PCLO: variants seen among roughly 807,000 people sequenced by gnomAD.
The protein encoded by PCLO is piccolo presynaptic cytomatrix protein, also known as protein piccolo.
A neutral mutation model predicts 427.5 loss-of-function variants in PCLO; 82 were observed. That is an observed-to-expected ratio of 0.19 (90% CI 0.16 to 0.23). The LOEUF is 0.23. PCLO is among the 10% of genes least tolerant of loss of function. PCLO has a pLI of 1.00. For synonymous variants in PCLO, 2,357 were observed against 2,155.4 expected (o/e 1.09, Z -2.59); for missense variants, 6,239 against 6,115.9 (o/e 1.02, Z -0.67).
At chr7:83,126,611 A>C (rs1030336928) in intron 3 of PCLO, among the ~76,000 whole-genome samples, 2 of 152,088 alleles carry the variant, frequency 1.3e-5, no homozygotes, top group African/African-American at 4.8e-5. Flanking sequence ...GAATCTCATA[A>C]AGAAATTTAA....
chr7:82,893,038 G>A lies in PCLO; in HGVS notation c.13528+9613C>T, dbSNP rs376344645. On this transcript the variant is annotated intron_variant, in intron 9 of 24. Transcript: ENST00000333891. ...GGTGATTCCTCAGGGATCTAGAACTGGAAATACCATTTGACCCAGCCATCC... is the reference window on the plus strand; with the variant it reads ...GGTGATTCCTCAGGGATCTAGAACTAGAAATACCATTTGACCCAGCCATCC... Among the ~76,000 whole-genome samples, 226 of 152,116 alleles carry A rather than the reference G, an allele frequency of 1.5e-3. 2 individuals are homozygous for A. The Middle Eastern group carries it at 0.045, about 30-fold the overall frequency.
intron 22 of PCLO, 45 bp from the exon 23 acceptor site, chr7:82,761,538 T>A (rs776011400): frequency 7.0e-7 from 1 of 1,433,820 alleles, no homozygotes; most frequent in African/African-American, 1.4e-5. Flanking sequence ...TAATGCCATA[T>A]ATGAAATGTT....
chr7:83,038,053 T>TTATA (rs760756481), intron 3 of PCLO, among the ~76,000 whole-genome samples: 6 of 44,798 alleles, frequency 1.3e-4, no homozygotes, highest in African/African-American at 2.3e-4. Flanking sequence ...ATATATATCT[T>TTATA]TATATATATA....
intron 3 of PCLO, among the ~76,000 whole-genome samples, chr7:83,088,252 T>A (rs563182617): frequency 7.2e-5 from 11 of 152,202 alleles, no homozygotes; most frequent in Admixed American, 2.6e-4. Context: ...TTTAGGGAGA[T>A]GAAAAGCTGA....
intron 2 of PCLO, among the ~76,000 whole-genome samples, chr7:83,141,016 T>C (rs1791846886): frequency 6.6e-6 from 1 of 152,192 alleles, no homozygotes. Flanking sequence ...CCATGCCTGA[T>C]TCACAGAAGA....
chr7:82,885,606 T>C (rs973862637), intron 9 of PCLO, among the ~76,000 whole-genome samples: 2 of 152,066 alleles, frequency 1.3e-5, no homozygotes, highest in Non-Finnish European at 2.9e-5. Flanking sequence ...AGACATTATT[T>C]TGGTAGAAAA....
intron 1 of PCLO, among the ~76,000 whole-genome samples, chr7:83,158,837 A>G (rs1792364629): frequency 6.6e-6 from 1 of 152,060 alleles, no homozygotes; most frequent in Admixed American, 6.5e-5. Flanking sequence ...ATAACTATGT[A>G]AATAAAAGTA....
At chr7:83,008,866 T>A (rs2115975238) in intron 3 of PCLO, among the ~76,000 whole-genome samples, 1 of 151,648 alleles carries the variant, frequency 6.6e-6, no homozygotes, top group Middle Eastern at 3.4e-3. Context: ...ACATTATAAA[T>A]ATATATGTTT....
At chr7:82,988,153 T>TCCC (rs1796296037) in intron 3 of PCLO, among the ~76,000 whole-genome samples, 1 of 152,210 alleles carries the variant, frequency 6.6e-6, no homozygotes, top group African/African-American at 2.4e-5. Flanking sequence ...TAGATGGGAC[T>TCCC]ACAGGCATGT....
chr7:82,967,323 C>T (rs552923485), intron 3 of PCLO, among the ~76,000 whole-genome samples: 63 of 151,486 alleles, frequency 4.2e-4, no homozygotes, highest in Middle Eastern at 3.4e-3. Flanking sequence ...TTCAGGCACG[C>T]GCCACCCATG....
chr7:82,836,653 C>A (rs1792240281), intron 15 of PCLO, among the ~76,000 whole-genome samples: 1 of 152,044 alleles, frequency 6.6e-6, no homozygotes, highest in South Asian at 2.1e-4. Context: ...TTTGATATAG[C>A]ACCTGGCAAT....
At chr7:83,017,835 GA>G (rs1053980115) in intron 3 of PCLO, 1 of 151,832 alleles carries the variant, frequency 6.6e-6, no homozygotes, top group Non-Finnish European at 1.5e-5. Flanking sequence ...ATTTTGATGG[GA>G]AAAATTATTT....
At chr7:82,843,017 T>C (rs907348119) in intron 13 of PCLO, among the ~76,000 whole-genome samples, 1 of 151,974 alleles carries the variant, frequency 6.6e-6, no homozygotes, top group Non-Finnish European at 1.5e-5. Context: ...AAATTAAAAA[T>C]AGAGCTACCA....
intron 6 of PCLO, among the ~76,000 whole-genome samples, chr7:82,930,271 G>A (rs78571785): frequency 9.1e-4 from 139 of 152,206 alleles, no homozygotes; most frequent in Non-Finnish European, 1.7e-3. Flanking sequence ...AATGTCTACT[G>A]CACAGTGTAG....
rs181578799 is a variant in PCLO at position 82,987,478 on chromosome 7, C to G, written c.3301-20991G>C. 4.6e-5 allele frequency among the ~76,000 whole-genome samples: 7 copies of G among 152,054 alleles called. No homozygotes were observed. The East Asian group carries it at 1.4e-3, about 29-fold the overall frequency. On this transcript the variant is annotated intron_variant, in intron 3 of 24. Coordinates refer to ENST00000333891, the MANE Select transcript of PCLO (RefSeq NM_033026.6). ...ATCTATTTGCTTTATATTATAAAGT[C>G]TATTGTATGCCAAGAATAAGTATGT...
rs370403349 is a variant in PCLO at position 82,953,968 on chromosome 7, C to T, written c.6985G>A (p.Glu2329Lys). 1.9e-5 allele frequency: 30 copies of T among 1,613,720 alleles called. No homozygotes were observed. Among genetic ancestry groups the T allele is most frequent in the East Asian group, 4.5e-5 (2 of 44,880 alleles). Residue 2329 changes from glutamate (E) to lysine (K), a missense_variant, in exon 5 of 25, where the codon GAA becomes AAA. Coordinates refer to ENST00000333891, the MANE Select transcript of PCLO (RefSeq NM_033026.6). ...TCGGATAAGCTACTTTTTGTTCGTT[C>T]GGCCTCCAACTCCTTTTTATCTCTG... ...AYRDKKELEA[E>K]RTKSSLSETV...
chr7:83,110,810 TAAACCCTGTC>T (rs1368215484), intron 3 of PCLO, among the ~76,000 whole-genome samples: 1 of 152,212 alleles, frequency 6.6e-6, no homozygotes, highest in East Asian at 1.9e-4. Flanking sequence ...AGTCAGTTGC[TAAACCCTGTC>T]AAACCCATCT....
intron 7 of PCLO, 155 bp downstream of exon 7, chr7:82,914,531 A>G: frequency 1.3e-6 from 1 of 742,330 alleles, no homozygotes. Context: ...TATACACATG[A>G]TAAAATTTCC....
Position 82,758,678 on chromosome 7 carries a change from T to C in PCLO, c.15326A>G (p.Lys5109Arg). 6.2e-7 allele frequency: 1 copy of C among 1,607,034 alleles called. No individual in the cohort carries two copies. The highest frequency in any genetic ancestry group is 8.5e-7 in the Non-Finnish European group (1 of 1,174,862). The change falls in exon 25 of 25, where the codon AAG becomes AGG. Residue 5109 changes from lysine to arginine, a missense_variant. Transcript: ENST00000333891. ...LFSNGGKFMK[K>R]TLIGEACIWL... is the part of the protein sequence containing the mutation. ...GATACAGGCTTCACCAATCAAGGTC[T>C]TTTTCATAAACTTCCCTCCATTGGA...
Sources: gnomAD v4.1 joint callset for allele counts (sites outside exome capture counted in the v4.1 genomes callset) on GRCh38, gnomAD v4.1.1 for gene constraint, MANE v1.5 for transcripts, NCBI Gene and HGNC (gene_info 2026-07-23, HGNC 2026-07-21) for gene names.